GFRA1: variants seen among roughly 807,000 people sequenced by gnomAD.
GFRA1 encodes the protein GDNF family receptor alpha 1, also known as GDNF family receptor alpha-1.
Under a neutral mutation model 51.6 loss-of-function variants are expected in GFRA1, and 16 were observed. The observed-to-expected ratio is 0.31, with a 90% CI of 0.21 to 0.47. The LOEUF (loss-of-function observed/expected upper bound fraction) is 0.47. Among genes scored for constraint, GFRA1 ranks in the 20% least tolerant of loss-of-function variants. The pLI is 1.00. For synonymous variants in GFRA1, 270 were observed against 241.3 expected (o/e 1.12, Z -1.10); for missense variants, 530 against 594.3 (o/e 0.89, Z 1.13).
chr10:116,110,574 G>T (rs916834909), intron 6 of GFRA1, among the ~76,000 whole-genome samples: 2 of 152,174 alleles, frequency 1.3e-5, no homozygotes, highest in Non-Finnish European at 2.9e-5. Context: ...CCTAGAGAGA[G>T]TTCTCAGCCC....
intron 5 of GFRA1, among the ~76,000 whole-genome samples, chr10:116,157,646 C>T (rs935043126): frequency 2.1e-4 from 32 of 152,226 alleles, no homozygotes; most frequent in African/African-American, 7.5e-4. Flanking sequence ...CCTCTCCTCC[C>T]ATGAGACTCC....
At position 116,088,365 on chromosome 10, in the gene GFRA1, C is replaced by T. The variant is rs1406275456; in HGVS notation, c.1197+1376G>A. On this transcript the variant is annotated intron_variant, in intron 9 of 10. Transcript: ENST00000355422. ...ACAGCACAGTGCTTGGCACATAGGC[C>T]ACCAAACATCCCCTTCTCCAGCATA... Among the ~76,000 whole-genome samples the T allele has an allele frequency of 3.3e-5, 5 of 152,226 alleles. No homozygotes were observed. The East Asian group carries it at 9.7e-4, about 30-fold the overall frequency.
chr10:116,132,181 C>T (rs902786203), intron 5 of GFRA1, among the ~76,000 whole-genome samples: 7 of 152,222 alleles, frequency 4.6e-5, no homozygotes, highest in African/African-American at 1.7e-4. Flanking sequence ...TGCACTCCAG[C>T]CTGGGTGACA....
chr10:116,269,647 G>C (rs1782696515), intron 3 of GFRA1, 61 bp from the exon 4 acceptor site: 1 of 990,840 alleles, frequency 1.0e-6, no homozygotes, highest in African/African-American at 1.6e-5. Flanking sequence ...GCAGGTTTTT[G>C]CTGCTGAATC....
intron 5 of GFRA1, among the ~76,000 whole-genome samples, chr10:116,134,621 T>C (rs1430474688): frequency 2.0e-5 from 3 of 152,222 alleles, no homozygotes; most frequent in Non-Finnish European, 4.4e-5. Context: ...TACATGATGA[T>C]GAAATTCCTC....
intron 9 of GFRA1, among the ~76,000 whole-genome samples, chr10:116,075,319 A>T (rs1955570188): frequency 6.6e-6 from 1 of 152,202 alleles, no homozygotes; most frequent in African/African-American, 2.4e-5. Flanking sequence ...TTCACTTCTC[A>T]GATGAATTTT....
At chr10:116,218,129 AAG>A (rs1303478328) in intron 4 of GFRA1, among the ~76,000 whole-genome samples, 1 of 152,180 alleles carries the variant, frequency 6.6e-6, no homozygotes, top group East Asian at 1.9e-4. Context: ...CCAGCGATCT[AAG>A]AGGTTGCGGT....
chr10:116,194,211 A>G (rs960980297), intron 5 of GFRA1, among the ~76,000 whole-genome samples: 1 of 152,110 alleles, frequency 6.6e-6, no homozygotes, highest in African/African-American at 2.4e-5. Flanking sequence ...TTGTTTTACT[A>G]TTTACAAATT....
In GFRA1 at chr10:116,148,038, ATG is replaced by A. The variant is rs1310773990; in HGVS notation, c.434-22483_434-22482del. Among the ~76,000 whole-genome samples, 216 of 105,968 alleles carry A rather than the reference ATG, an allele frequency of 2.0e-3. 5 individuals carry two copies. The East Asian group carries it at 0.061, about 30-fold the overall frequency. 69.5% of individuals were successfully genotyped at this position (105,968 alleles called of 152,430 possible). A position where few individuals can be genotyped will look rare whatever the true frequency, so the allele number is the denominator to read the frequency against. ...CGTGTGTGCGCGCATGCATGTGTGC[ATG>A]TGCGTGTGTGCATGCATGTGTGCAT... On this transcript the variant is annotated intron_variant, in intron 5 of 10. Coordinates refer to ENST00000355422, the MANE Select transcript of GFRA1 (RefSeq NM_005264.8).
chr10:116,193,810 C>G (rs1248278860), intron 5 of GFRA1, among the ~76,000 whole-genome samples: 1 of 151,856 alleles, frequency 6.6e-6, no homozygotes, highest in African/African-American at 2.4e-5. Flanking sequence ...GTAATCCCAG[C>G]ACTTTGGGAG....
chr10:116,187,775 C>G (rs1962866498), intron 5 of GFRA1, among the ~76,000 whole-genome samples: 1 of 152,146 alleles, frequency 6.6e-6, no homozygotes, highest in African/African-American at 2.4e-5. Flanking sequence ...CTGTTGAAAT[C>G]TCAACATTGG....
In GFRA1 at chr10:116,125,370, G is replaced by A. The variant is rs1260957158; in HGVS notation, c.621C>T (p.His207=). 6.2e-7 allele frequency: 1 copy of A among 1,614,124 alleles called. No individual in the cohort carries two copies. Among genetic ancestry groups the A allele is most frequent in the East Asian group, 2.2e-5 (1 of 44,898 alleles). ...AGGAGCAGAAGAGCATTCCGTAGCT[G>A]TGCTTGGCCGGGACCTTGTCAAAGA... The part of the protein sequence containing the change: ...RQFFDKVPAK[H]SYGMLFCSCR... Residue 207 remains histidine, a synonymous_variant, in exon 6 of 11, where the codon CAC becomes CAT. Coordinates refer to ENST00000355422, the MANE Select transcript of GFRA1 (RefSeq NM_005264.8).
chr10:116,143,679 TCCC>T (rs1958673444), intron 5 of GFRA1, among the ~76,000 whole-genome samples: 3 of 140,230 alleles, frequency 2.1e-5, no homozygotes, highest in Non-Finnish European at 4.7e-5. Context: ...TCTCTCTCTC[TCCC>T]ATGCAATGAA....
Position 116,196,847 on chromosome 10 carries a change from A to ATAT in GFRA1, c.433+14783_433+14784insATA, listed in dbSNP as rs1256765205. On this transcript the variant is annotated intron_variant, in intron 5 of 10. Transcript: ENST00000355422. ...AATACTTATAAATATATATATATAT[A>ATAT]TTTTTTTTCCCTCCCACAGTTCTGG... Among the ~76,000 whole-genome samples the ATAT allele has an allele frequency of 2.7e-3, 257 of 93,494 alleles. 1 individual carries two copies. Among genetic ancestry groups the ATAT allele is most frequent in the African/African-American group, 9.1e-3 (246 of 27,094 alleles). The allele number at this position is 93,494 out of a possible 152,430, so 61.3% of individuals were successfully genotyped here.
At chr10:116,071,476 T>G (rs1185703551) in intron 9 of GFRA1, among the ~76,000 whole-genome samples, 2 of 152,176 alleles carry the variant, frequency 1.3e-5, no homozygotes, top group Non-Finnish European at 2.9e-5. Context: ...CTCAGACAGG[T>G]TGGGCTACAT....
chr10:116,076,631 C>CA (rs1955631130), intron 9 of GFRA1, among the ~76,000 whole-genome samples: 1 of 152,162 alleles, frequency 6.6e-6, no homozygotes, highest in Non-Finnish European at 1.5e-5. Flanking sequence ...GACTGCACCT[C>CA]AGAGGGGAAA....
intron 9 of GFRA1, among the ~76,000 whole-genome samples, chr10:116,087,615 C>CT (rs941455367): frequency 9.9e-5 from 15 of 152,170 alleles, no homozygotes; most frequent in African/African-American, 3.6e-4. Context: ...CAGAACTTGC[C>CT]TTTTCTTTCC....
At position 116,270,997 on chromosome 10, in the gene GFRA1, C is replaced by T. The variant is rs1269970957; in HGVS notation, c.159G>A (p.Val53=). 10 of 1,614,126 alleles carry T rather than the reference C, an allele frequency of 6.2e-6. No individual in the cohort carries two copies. Among genetic ancestry groups the T allele is most frequent in the East Asian group, 2.2e-5 (1 of 44,868 alleles). ...STKYRTLRQC[V]AGKETNFSLA... ...GGCTGAAGTTGGTCTCCTTGCCCGC[C>T]ACGCACTGCCTTAGCGTGCGGTACT... Residue 53 remains valine, a synonymous_variant, in exon 3 of 11, where the codon GTG becomes GTA. Coordinates refer to ENST00000355422, the MANE Select transcript of GFRA1 (RefSeq NM_005264.8).
intron 5 of GFRA1, among the ~76,000 whole-genome samples, chr10:116,202,284 C>G (rs1044048143): frequency 6.6e-6 from 1 of 152,176 alleles, no homozygotes; most frequent in African/African-American, 2.4e-5. Flanking sequence ...GGCAACCTGA[C>G]TTCCAGCAGA....
Sources: allele counts gnomAD v4.1 joint callset (sites outside exome capture counted in the v4.1 genomes callset), GRCh38; gene constraint gnomAD v4.1.1; transcripts MANE v1.5; gene names NCBI Gene and HGNC (gene_info 2026-07-23, HGNC 2026-07-21).